Variants in MCF2L2 observed in about 807,000 individuals in gnomAD.
MCF2L2 encodes the protein probable guanine nucleotide exchange factor MCF2L2.
Under a neutral mutation model 150.2 loss-of-function variants are expected in MCF2L2, and 102 were observed. That is an observed-to-expected ratio of 0.68 (90% CI 0.58 to 0.80). MCF2L2 has a LOEUF of 0.80. MCF2L2 is among the 30% of genes least tolerant of loss of function. The probability of loss-of-function intolerance (pLI) is 0.00; values close to 1 mark genes in which losing one functional copy is unlikely to be tolerated. For synonymous variants in MCF2L2, 465 were observed against 491.3 expected (o/e 0.95, Z 0.71); for missense variants, 1,256 against 1,372.8 (o/e 0.91, Z 1.34).
chr3:183,385,089 A>G (rs1329753947), intron 2 of MCF2L2, among the ~76,000 whole-genome samples: 1 of 152,206 alleles, frequency 6.6e-6, no homozygotes, highest in Non-Finnish European at 1.5e-5. Flanking sequence ...GATTTCAAAG[A>G]CTTAGAATAA....
In MCF2L2 at chr3:183,209,003, T is replaced by C. The variant is rs181119083; in HGVS notation, c.2497-1180A>G. Among the ~76,000 whole-genome samples, 20 of 150,478 alleles carry C rather than the reference T, an allele frequency of 1.3e-4. No individual in the cohort carries two copies. The East Asian group carries it at 3.0e-3, about 22-fold the overall frequency. On this transcript the variant is annotated intron_variant, in intron 22 of 29. Coordinates refer to ENST00000328913, the MANE Select transcript of MCF2L2 (RefSeq NM_015078.4). The stretch of plus-strand genomic sequence containing the variant: ...TTGGAAAATTTACATATGTAGACTG[T>C]GGTGAATAAAACCCTCAAACTCCCA...
intron 1 of MCF2L2, among the ~76,000 whole-genome samples, chr3:183,418,746 G>C (rs957723631): frequency 6.6e-6 from 1 of 152,232 alleles, no homozygotes; most frequent in African/African-American, 2.4e-5. Context: ...TGATGCAAGG[G>C]ATGGGCTCCC....
intron 2 of MCF2L2, among the ~76,000 whole-genome samples, chr3:183,382,584 C>A: frequency 6.6e-6 from 1 of 152,076 alleles, no homozygotes. Context: ...GCATCTAGTG[C>A]CACCTTCTGA....
intron 3 of MCF2L2, among the ~76,000 whole-genome samples, chr3:183,365,522 G>A (rs1054454739): frequency 2.0e-5 from 3 of 152,214 alleles, no homozygotes; most frequent in African/African-American, 7.2e-5. Context: ...CTGAGGCACA[G>A]ATGGACTTTT....
chr3:183,428,034 C>A lies in MCF2L2; in HGVS notation c.-57G>T, dbSNP rs1405538189. On this transcript the variant is annotated 5_prime_UTR_variant, in exon 1 of 30. Transcript: ENST00000328913. The surrounding 1 kb of genome is among the most constrained non-coding windows in gnomAD (Gnocchi z 5.1). ...CCAAACAAAACTGTTTCTACCGCTG[C>A]GGTGGATGATTTTTTAAAGGCATCT... 7.4e-6 allele frequency: 10 copies of A among 1,356,204 alleles called. No individual in the cohort carries two copies. The Admixed American group carries it at 8.4e-5, about 11-fold the overall frequency. 84.0% of individuals were successfully genotyped at this position (1,356,204 alleles called of 1,614,324 possible).
intron 3 of MCF2L2, among the ~76,000 whole-genome samples, chr3:183,342,711 G>A (rs762511452): frequency 1.3e-5 from 2 of 150,726 alleles, no homozygotes; most frequent in Admixed American, 6.6e-5. Flanking sequence ...TCAGGACAAC[G>A]CCTGGCACTT....
intron 15 of MCF2L2, among the ~76,000 whole-genome samples, chr3:183,256,458 C>T (rs1480044180): frequency 1.3e-5 from 2 of 152,054 alleles, no homozygotes; most frequent in Non-Finnish European, 2.9e-5. Flanking sequence ...AATAAAAAAG[C>T]GATTTTTTAG....
chr3:183,360,981 A>AAG (rs1313197571), intron 3 of MCF2L2, among the ~76,000 whole-genome samples: 23 of 124,748 alleles, frequency 1.8e-4, no homozygotes, highest in African/African-American at 9.5e-4. Flanking sequence ...AAGAAAAGAA[A>AAG]AGAAAAGAAA....
Position 183,372,736 on chromosome 3 carries a change from T to C in MCF2L2, c.275+6561A>G, listed in dbSNP as rs188581068. ...AAAGAAATAGAAACAATAACAAAATTAACCATTGATATGAAATACTGCTCT... is the reference window on the plus strand; with the variant it reads ...AAAGAAATAGAAACAATAACAAAATCAACCATTGATATGAAATACTGCTCT... On this transcript the variant is annotated intron_variant, in intron 3 of 29. Coordinates refer to ENST00000328913, the MANE Select transcript of MCF2L2 (RefSeq NM_015078.4). The C allele has an allele frequency of 2.6e-5, 4 of 152,246 alleles. No individual in the cohort carries two copies. The East Asian group carries it at 7.7e-4, about 29-fold the overall frequency. 9.4% of individuals were successfully genotyped at this position (152,246 alleles called of 1,614,324 possible).
At chr3:183,213,700 C>A (rs1722815767) in intron 22 of MCF2L2, among the ~76,000 whole-genome samples, 1 of 152,138 alleles carries the variant, frequency 6.6e-6, no homozygotes, top group Admixed American at 6.5e-5. Flanking sequence ...AGTGGAATAG[C>A]ACCCTGATAG....
At chr3:183,249,554 C>T (rs1724419469) in intron 15 of MCF2L2, among the ~76,000 whole-genome samples, 1 of 152,194 alleles carries the variant, frequency 6.6e-6, no homozygotes, top group East Asian at 1.9e-4. Context: ...AAACCGGGTT[C>T]TCAGAGTGGC....
chr3:183,205,824 T>C, intron 25 of MCF2L2, 52 bp downstream of exon 25: 1 of 1,391,044 alleles, frequency 7.2e-7, no homozygotes, highest in Non-Finnish European at 1.0e-6. Context: ...CATCCCCCAC[T>C]GAGCTGAAAT....
At chr3:183,346,232 C>A (rs190186181) in intron 3 of MCF2L2, among the ~76,000 whole-genome samples, 3 of 152,234 alleles carry the variant, frequency 2.0e-5, no homozygotes, top group Admixed American at 1.3e-4. Flanking sequence ...ACGATCAAGT[C>A]GGCTTCATCC....
In MCF2L2 at chr3:183,259,077, C is replaced by T. The variant is rs149054442; in HGVS notation, c.1862+17795G>A. ...CTGTAGTTGGTTGAATCTGAGGATGCGGAACCCATGAACGTACACGACCAA... is the reference window on the plus strand; with the variant it reads ...CTGTAGTTGGTTGAATCTGAGGATGTGGAACCCATGAACGTACACGACCAA... On this transcript the variant is annotated intron_variant, in intron 15 of 29. Coordinates refer to ENST00000328913, the MANE Select transcript of MCF2L2 (RefSeq NM_015078.4). Among the ~76,000 whole-genome samples the T allele has an allele frequency of 3.4e-3, 522 of 152,090 alleles. 2 individuals carry two copies. Among genetic ancestry groups the T allele is most frequent in the South Asian group, 0.016 (77 of 4,810 alleles).
At chr3:183,247,696 A>C (rs1299457302) in intron 15 of MCF2L2, among the ~76,000 whole-genome samples, 1 of 152,226 alleles carries the variant, frequency 6.6e-6, no homozygotes, top group East Asian at 1.9e-4. Flanking sequence ...ATAACAATTA[A>C]AATAATGCAA....
At chr3:183,379,504 T>C (rs1192993888) in intron 2 of MCF2L2, 93 bp from the exon 3 acceptor site, 3 of 778,784 alleles carry the variant, frequency 3.9e-6, no homozygotes, top group Non-Finnish European at 6.5e-6. Context: ...GGTCACCTCT[T>C]TTCCTACCTA....
chr3:183,382,356 G>A (rs1366294659), intron 2 of MCF2L2, among the ~76,000 whole-genome samples: 6 of 152,130 alleles, frequency 3.9e-5, no homozygotes, highest in South Asian at 2.1e-4. Flanking sequence ...CACCACACCC[G>A]GCCAATTTTA....
In MCF2L2 at chr3:183,310,957, G is replaced by A. The variant is rs1729348069; in HGVS notation, c.951C>T (p.Asn317=). The A allele has an allele frequency of 1.2e-6, 2 of 1,614,034 alleles. No individual in the cohort carries two copies. The highest frequency in any genetic ancestry group is 1.1e-5 in the South Asian group (1 of 91,078). The change falls in exon 9 of 30, where the codon AAC becomes AAT. Residue 317 remains asparagine (N), a synonymous_variant. Coordinates refer to ENST00000328913, the MANE Select transcript of MCF2L2 (RefSeq NM_015078.4). The part of the protein sequence containing the change: ...HFWSEHHLKL[N]QCLQLQHFEH... ...CAAAATGCTGTAGTTGTAGGCACTGGTTAAGCTTCAGATGATGCTCAGACC... is the reference window on the plus strand; with the variant it reads ...CAAAATGCTGTAGTTGTAGGCACTGATTAAGCTTCAGATGATGCTCAGACC...
At chr3:183,261,007 T>G (rs889186805) in intron 15 of MCF2L2, among the ~76,000 whole-genome samples, 5 of 152,228 alleles carry the variant, frequency 3.3e-5, no homozygotes, top group African/African-American at 1.2e-4. Flanking sequence ...TTCTTTTCTT[T>G]TTTAGAGGTC....
Sources: allele counts gnomAD v4.1 joint callset (sites outside exome capture counted in the v4.1 genomes callset), GRCh38; gene constraint gnomAD v4.1.1; non-coding constraint Gnocchi (gnomAD v3.1); transcripts MANE v1.5; gene names NCBI Gene and HGNC (gene_info 2026-07-23, HGNC 2026-07-21).